The following MAP2 variants were observed in gnomAD, a reference collection of about 807,000 sequenced individuals.
MAP2 encodes microtubule associated protein 2, also known as microtubule-associated protein 2.
A neutral mutation model predicts 137.6 loss-of-function variants in MAP2; 14 were observed. The observed-to-expected ratio is 0.10, with a 90% CI of 0.07 to 0.16. The LOEUF (loss-of-function observed/expected upper bound fraction) is 0.16, where lower values mean the gene tolerates loss of function less well. Ranked by LOEUF, MAP2 falls within the 10% of genes least tolerant of loss-of-function variation. The pLI is 1.00. For missense variants in MAP2, 2,088 were observed against 2,191.5 expected, an observed-to-expected ratio of 0.95 and a Z score of 0.94; for synonymous variants, 786 against 782.3, an observed-to-expected ratio of 1.00 and a Z score of -0.08.
At chr2:209,476,759 C>T (rs186405431) in intron 1 of MAP2, among the ~76,000 whole-genome samples, 24 of 152,178 alleles carry the variant, frequency 1.6e-4, no homozygotes, top group East Asian at 1.3e-3. Flanking sequence ...GAATATAATC[C>T]GTCTTGACAC....
At chr2:209,461,273 A>G (rs996843752) in intron 1 of MAP2, among the ~76,000 whole-genome samples, 1 of 152,214 alleles carries the variant, frequency 6.6e-6, no homozygotes, top group African/African-American at 2.4e-5. Flanking sequence ...TAAATGTAAT[A>G]AAATTTGAAA....
At position 209,537,640 on chromosome 2, in the gene MAP2, T is replaced by A. The variant is rs1465588067; in HGVS notation, c.-172+29999T>A. Among the ~76,000 whole-genome samples, 9 of 152,312 alleles carry A rather than the reference T, an allele frequency of 5.9e-5. No homozygotes were observed. The East Asian group carries it at 1.7e-3, about 29-fold the overall frequency. On this transcript the variant is annotated intron_variant, in intron 2 of 15. Transcript: ENST00000682079. ...CCTTCATCATCATTTAGCACAGTAT[T>A]GAGAAACTAGTAGCCATTCTTTTAA...
chr2:209,487,694 A>C (rs901694364), intron 1 of MAP2, among the ~76,000 whole-genome samples: 1 of 152,202 alleles, frequency 6.6e-6, no homozygotes, highest in Non-Finnish European at 1.5e-5. Context: ...GGATAAAAAT[A>C]AGCTTAGGGG....
intron 3 of MAP2, among the ~76,000 whole-genome samples, chr2:209,598,558 A>G (rs1317524563): frequency 1.4e-5 from 2 of 147,292 alleles, no homozygotes; most frequent in African/African-American, 5.0e-5. Flanking sequence ...CTAACTCGTC[A>G]TCTAGCATTA....
At chr2:209,606,849 T>G (rs1000518890) in intron 3 of MAP2, among the ~76,000 whole-genome samples, 1 of 152,198 alleles carries the variant, frequency 6.6e-6, no homozygotes, top group African/African-American at 2.4e-5. Context: ...CTAACTCAAG[T>G]AACAGGTGGT....
At chr2:209,484,258 A>G (rs1196863567) in intron 1 of MAP2, among the ~76,000 whole-genome samples, 3 of 152,228 alleles carry the variant, frequency 2.0e-5, no homozygotes, top group Non-Finnish European at 2.9e-5. Context: ...ACAGCACTGA[A>G]CGTTTAGTGG....
chr2:209,659,618 CA>C (rs1321178780), intron 5 of MAP2, among the ~76,000 whole-genome samples: 7 of 151,486 alleles, frequency 4.6e-5, no homozygotes, highest in African/African-American at 1.7e-4. Context: ...TCTGAGTAGA[CA>C]AAAAGGGGAG....
At chr2:209,487,985 C>G (rs1320694126) in intron 1 of MAP2, among the ~76,000 whole-genome samples, 2 of 152,172 alleles carry the variant, frequency 1.3e-5, no homozygotes, top group African/African-American at 2.4e-5. Context: ...ATAAATACTG[C>G]TGGATTCCTG....
chr2:209,718,905 G>C (rs2068929426), intron 13 of MAP2, among the ~76,000 whole-genome samples: 2 of 152,132 alleles, frequency 1.3e-5, no homozygotes, highest in South Asian at 4.1e-4. Flanking sequence ...CATCATGTGT[G>C]CCAGAGAACT....
intron 4 of MAP2, among the ~76,000 whole-genome samples, chr2:209,650,728 T>C (rs1423550558): frequency 6.6e-6 from 1 of 152,198 alleles, no homozygotes; most frequent in Non-Finnish European, 1.5e-5. Context: ...ATATTTCAAA[T>C]AGGGAAAACT....
At chr2:209,483,168 A>T (rs2057944474) in intron 1 of MAP2, among the ~76,000 whole-genome samples, 1 of 152,178 alleles carries the variant, frequency 6.6e-6, no homozygotes, top group Non-Finnish European at 1.5e-5. Flanking sequence ...TTGTGCAGCC[A>T]CCACAGAGAA....
chr2:209,643,227 T>C (rs1281348616), intron 4 of MAP2, among the ~76,000 whole-genome samples: 2 of 152,190 alleles, frequency 1.3e-5, no homozygotes, highest in Non-Finnish European at 2.9e-5. Context: ...TCCAAGACTT[T>C]ATTGTTTCTC....
intron 4 of MAP2, 55 bp from the exon 5 acceptor site, chr2:209,653,087 A>G (rs1474487944): frequency 1.2e-5 from 17 of 1,402,270 alleles, no homozygotes; most frequent in Non-Finnish European, 1.5e-5. Flanking sequence ...TGGTACAACC[A>G]ATATCAGATC....
At chr2:209,676,584 C>CT (rs2051603339) in intron 5 of MAP2, among the ~76,000 whole-genome samples, 2 of 151,110 alleles carry the variant, frequency 1.3e-5, no homozygotes, top group Non-Finnish European at 3.0e-5. Context: ...ACTTGGGAAA[C>CT]CTTATATAGT....
chr2:209,723,062 A>T (rs2071963406), intron 13 of MAP2, among the ~76,000 whole-genome samples: 1 of 152,196 alleles, frequency 6.6e-6, no homozygotes, highest in African/African-American at 2.4e-5. Context: ...CTTACCCTAG[A>T]TGAATGAGAA....
intron 13 of MAP2, among the ~76,000 whole-genome samples, chr2:209,712,362 A>G (rs1209132331): frequency 6.6e-6 from 1 of 152,196 alleles, no homozygotes; most frequent in Admixed American, 6.5e-5. Flanking sequence ...AAATTACAGA[A>G]AGAACAAAAA....
intron 1 of MAP2, among the ~76,000 whole-genome samples, chr2:209,467,494 C>T (rs1277985927): frequency 6.6e-6 from 1 of 152,092 alleles, no homozygotes; most frequent in Non-Finnish European, 1.5e-5. Context: ...AATCTCTGAC[C>T]AGCCTGGAAT....
chr2:209,655,154 C>T (rs1010924555), intron 5 of MAP2, among the ~76,000 whole-genome samples: 1 of 152,134 alleles, frequency 6.6e-6, no homozygotes, highest in African/African-American at 2.4e-5. Context: ...TTAAAAGAGG[C>T]TAATAGACGT....
chr2:209,660,994 T>G (rs1190174952), intron 5 of MAP2, among the ~76,000 whole-genome samples: 1 of 151,154 alleles, frequency 6.6e-6, no homozygotes, highest in Non-Finnish European at 1.5e-5. Flanking sequence ...TCCGCCCGCC[T>G]CGGCATCCCA....
Sources: allele counts gnomAD v4.1 joint callset (sites outside exome capture counted in the v4.1 genomes callset), GRCh38; gene constraint gnomAD v4.1.1; transcripts MANE v1.5; gene names NCBI Gene and HGNC (gene_info 2026-07-23, HGNC 2026-07-21).